The following BAZ2B variants were observed in gnomAD, a reference collection of about 807,000 sequenced individuals.
BAZ2B encodes the protein bromodomain adjacent to zinc finger domain protein 2B.
BAZ2B carries 91 observed loss-of-function variants against 246.0 expected under a neutral mutation model. The observed-to-expected ratio is 0.37, with a 90% CI of 0.31 to 0.44. The LOEUF (loss-of-function observed/expected upper bound fraction) is 0.44. BAZ2B is among the 20% of genes least tolerant of loss of function. The probability of loss-of-function intolerance (pLI) is 1.00; values close to 1 mark genes in which losing one functional copy is unlikely to be tolerated. For synonymous variants in BAZ2B, 855 were observed against 860.0 expected (o/e 0.99, Z 0.10); for missense variants, 2,332 against 2,533.7 (o/e 0.92, Z 1.71).
the BAZ2B span, among the ~76,000 whole-genome samples, chr2:159,661,073 GT>G: frequency 6.6e-6 from 1 of 151,854 alleles, no homozygotes; most frequent in East Asian, 1.9e-4. Context: ...CATCCCTTTT[GT>G]AATCCTCTTT....
intron 2 of BAZ2B, among the ~76,000 whole-genome samples, chr2:159,555,090 A>G (rs202176261): frequency 1.1e-5 from 1 of 93,828 alleles, no homozygotes; most frequent in African/African-American, 3.8e-5. Flanking sequence ...GTGTGTGTGT[A>G]TTTTTTTTTT....
intron 17 of BAZ2B, 153 bp from the exon 18 acceptor site, chr2:159,399,047 T>C: frequency 1.8e-6 from 1 of 570,726 alleles, no homozygotes. Context: ...CAGTTAACAT[T>C]ATGTTTAACG....
At chr2:159,526,740 C>T (rs2084787170) in intron 2 of BAZ2B, among the ~76,000 whole-genome samples, 1 of 151,710 alleles carries the variant, frequency 6.6e-6, no homozygotes. Context: ...CTAGAGAAGG[C>T]AGAAATGAAT....
chr2:159,400,857 A>ATG (rs1361643139), intron 16 of BAZ2B, among the ~76,000 whole-genome samples, 193 bp from the exon 17 acceptor site: 21 of 152,128 alleles, frequency 1.4e-4, no homozygotes, highest in Admixed American at 3.9e-4. Flanking sequence ...TGGCTAACAC[A>ATG]GTGAAACCTC....
chr2:159,669,064 A>G, the BAZ2B span, among the ~76,000 whole-genome samples: 4 of 150,984 alleles, frequency 2.6e-5, no homozygotes, highest in Non-Finnish European at 2.9e-5. Context: ...TCTCAAAAAA[A>G]AAAGAAAGAA....
At position 159,349,948 on chromosome 2, in the gene BAZ2B, A is replaced by G; in HGVS notation, c.4623T>C (p.Ser1541=). Residue 1541 remains serine, a synonymous_variant, in exon 28 of 37, where the codon AGT becomes AGC. Coordinates refer to ENST00000392783, the MANE Select transcript of BAZ2B (RefSeq NM_013450.4). ...TGSSGPGKFY[S]PLPNDQLLKT... is the part of the protein sequence containing the mutation. The stretch of plus-strand genomic sequence containing the variant: ...TTAGTAACTGGTCATTGGGGAGAGG[A>G]CTGTAGAACTTCCCTGGACCACTTG... The G allele has an allele frequency of 6.2e-7, 1 of 1,614,156 alleles. No individual in the cohort carries two copies.
At chr2:159,556,051 T>C (rs1011890431) in intron 1 of BAZ2B, among the ~76,000 whole-genome samples, 186 bp from the exon 2 acceptor site, 2 of 152,226 alleles carry the variant, frequency 1.3e-5, no homozygotes, top group Non-Finnish European at 2.9e-5. Context: ...AGTTTATTTA[T>C]AGATCATTAT....
At chr2:159,484,056 G>A (rs148658302) in intron 2 of BAZ2B, among the ~76,000 whole-genome samples, 270 of 152,184 alleles carry the variant, frequency 1.8e-3, no homozygotes, top group African/African-American at 6.0e-3. Context: ...TGACATTTTC[G>A]GTTGTCACAA....
At chr2:159,509,223 A>G (rs1342351141) in intron 2 of BAZ2B, among the ~76,000 whole-genome samples, 4 of 152,202 alleles carry the variant, frequency 2.6e-5, no homozygotes, top group African/African-American at 9.6e-5. Flanking sequence ...GATATAATTC[A>G]GTGATTTTAT....
At chr2:159,601,622 G>A (rs1692169814) in intron 1 of BAZ2B, among the ~76,000 whole-genome samples, 1 of 152,024 alleles carries the variant, frequency 6.6e-6, no homozygotes, top group Admixed American at 6.6e-5. Flanking sequence ...TCGGGAGGCT[G>A]AGGCAGGAGA....
the BAZ2B span, among the ~76,000 whole-genome samples, chr2:159,708,719 C>T: frequency 1.3e-5 from 2 of 152,082 alleles, no homozygotes; most frequent in Non-Finnish European, 2.9e-5. Flanking sequence ...GGATTATAGG[C>T]ATGCACCAAT....
At chr2:159,368,858 T>TA (rs58161936) in intron 27 of BAZ2B, among the ~76,000 whole-genome samples, 7,809 of 123,032 alleles carry the variant, frequency 0.063, 357 homozygotes, top group African/African-American at 0.12. Flanking sequence ...CTGAAAGGCC[T>TA]AAAAAAAAAA....
At chr2:159,670,905 T>C in the BAZ2B span, 1 of 152,240 alleles carries the variant, frequency 6.6e-6, no homozygotes, top group Non-Finnish European at 1.5e-5. Flanking sequence ...CACAGAATTC[T>C]GGACTGACTG....
At chr2:159,408,235 T>C (rs1287346291) in intron 14 of BAZ2B, among the ~76,000 whole-genome samples, 4 of 152,216 alleles carry the variant, frequency 2.6e-5, no homozygotes, top group African/African-American at 7.2e-5. Context: ...TGAAGTGGTA[T>C]GATCATAGCT....
chr2:159,373,088 G>C lies in BAZ2B; in HGVS notation c.4170C>G (p.Pro1390=). The change falls in exon 27 of 37, where the codon CCC becomes CCG. Residue 1390 remains proline, a synonymous_variant. Transcript: ENST00000392783. ...CTTCTACAAAAATCCCCCCACATTGGGGAAGAATCCAGTACCGGCGTCTGT... is the reference window on the plus strand; with the variant it reads ...CTTCTACAAAAATCCCCCCACATTGCGGAAGAATCCAGTACCGGCGTCTGT... ...DRYRRRYWIL[P]QCGGIFVEGM... 1.9e-6 allele frequency: 3 copies of C among 1,613,882 alleles called. No homozygotes were observed. Among genetic ancestry groups the C allele is most frequent in the Non-Finnish European group, 2.5e-6 (3 of 1,179,888 alleles).
At chr2:159,587,771 A>G (rs920100384) in intron 1 of BAZ2B, among the ~76,000 whole-genome samples, 2 of 152,228 alleles carry the variant, frequency 1.3e-5, no homozygotes, top group African/African-American at 4.8e-5. Flanking sequence ...TAGTCTGCGA[A>G]CAGAAAGAAA....
chr2:159,573,863 G>A (rs1454043543), intron 1 of BAZ2B, among the ~76,000 whole-genome samples: 1 of 152,146 alleles, frequency 6.6e-6, no homozygotes, highest in Admixed American at 6.5e-5. Context: ...ACTTTGGGAG[G>A]ACAAGGTAGG....
Position 159,614,639 on chromosome 2 carries a change from C to G in BAZ2B, c.-46+1603G>C, listed in dbSNP as rs1363278307. ...AACCTTTAAATTAAAAAAAAAAGTACACAAAAACCAGATAAATAACAAATG... is the reference window on the plus strand; with the variant it reads ...AACCTTTAAATTAAAAAAAAAAGTAGACAAAAACCAGATAAATAACAAATG... On this transcript the variant is annotated intron_variant, in intron 1 of 36. Transcript: ENST00000392783. Among the ~76,000 whole-genome samples, 8 of 151,458 alleles carry G rather than the reference C, an allele frequency of 5.3e-5. No homozygotes were observed. The East Asian group carries it at 1.6e-3, about 29-fold the overall frequency.
At chr2:159,634,817 T>C in the BAZ2B span, among the ~76,000 whole-genome samples, 4 of 152,354 alleles carry the variant, frequency 2.6e-5, no homozygotes, top group East Asian at 5.8e-4. Flanking sequence ...GTTTAAAAGA[T>C]AGTCAATGAC....
Sources: gnomAD v4.1 joint callset for allele counts (sites outside exome capture counted in the v4.1 genomes callset) on GRCh38, gnomAD v4.1.1 for gene constraint, MANE v1.5 for transcripts, NCBI Gene and HGNC (gene_info 2026-07-23, HGNC 2026-07-21) for gene names.